PCNX1: variants seen among roughly 807,000 people sequenced by gnomAD.
The protein encoded by PCNX1 is pecanex 1.
PCNX1 carries 78 observed loss-of-function variants against 242.2 expected under a neutral mutation model. The observed-to-expected ratio is 0.32, with a 90% confidence interval of 0.27 to 0.39. PCNX1 has a LOEUF of 0.39. Ranked by LOEUF, PCNX1 falls within the 10% of genes least tolerant of loss-of-function variation. The pLI, the probability that PCNX1 is intolerant of heterozygous loss-of-function variation, is 1.00. For synonymous variants in PCNX1, 1,024 were observed against 1,032.9 expected (o/e 0.99, Z 0.17); for missense variants, 2,581 against 2,856.5 (o/e 0.90, Z 2.20).
intron 1 of PCNX1, among the ~76,000 whole-genome samples, chr14:70,931,860 A>T (rs1239672913): frequency 6.6e-6 from 1 of 152,240 alleles, no homozygotes; most frequent in Non-Finnish European, 1.5e-5. Flanking sequence ...ACGGTGGCTC[A>T]CGCCTGTAAT....
chr14:70,947,025 A>C lies in PCNX1; in HGVS notation c.264A>C (p.Gly88=). Residue 88 remains glycine (G), a synonymous_variant, in exon 2 of 36, where the codon GGA becomes GGC. Coordinates refer to ENST00000304743, the MANE Select transcript of PCNX1 (RefSeq NM_014982.3). ...NYRLHRALDA[G]EVVDRTANEF... ...GACTACACAGAGCACTTGATGCTGG[A>C]GAAGTTGTAGATAGGACTGCAAATG... 1 of 1,613,898 alleles carries C rather than the reference A, an allele frequency of 6.2e-7. No homozygotes were observed. Among genetic ancestry groups the C allele is most frequent in the Non-Finnish European group, 8.5e-7 (1 of 1,179,882 alleles).
intron 28 of PCNX1, chr14:71,085,556 G>A (rs1448183090): frequency 1.3e-5 from 2 of 153,364 alleles, no homozygotes; most frequent in Non-Finnish European, 2.9e-5. Flanking sequence ...AGCTGTAACA[G>A]CTTTTCCAGT....
chr14:70,970,456 G>T lies in PCNX1; in HGVS notation c.604+1346G>T, dbSNP rs1042541897. 3.3e-5 allele frequency among the ~76,000 whole-genome samples: 5 copies of T among 152,260 alleles called. 1 individual carries two copies. The highest frequency in any genetic ancestry group is 6.8e-3 in the Middle Eastern group (2 of 294). ...TTCTGTAATATGAGACCATTACAGT[G>T]TCTCAACAACTAGATAATAATCTCA... On this transcript the variant is annotated intron_variant, in intron 5 of 35. Coordinates refer to ENST00000304743, the MANE Select transcript of PCNX1 (RefSeq NM_014982.3).
intron 1 of PCNX1, among the ~76,000 whole-genome samples, chr14:70,913,407 T>A (rs1168575607): frequency 6.6e-6 from 1 of 152,148 alleles, no homozygotes; most frequent in Admixed American, 6.5e-5. Flanking sequence ...AAAAATCAAA[T>A]ACAAAATGAC....
intron 16 of PCNX1, among the ~76,000 whole-genome samples, chr14:71,029,183 G>C (rs1006826264): frequency 6.6e-6 from 1 of 151,904 alleles, no homozygotes; most frequent in South Asian, 2.1e-4. Context: ...TGCAATTTAA[G>C]ATACATGCTA....
At chr14:71,088,753 A>G (rs1042815890) in intron 29 of PCNX1, among the ~76,000 whole-genome samples, 11 of 152,146 alleles carry the variant, frequency 7.2e-5, no homozygotes, top group African/African-American at 2.7e-4. Context: ...TTCATTTTCC[A>G]TATTTCCTTG....
chr14:71,062,034 A>G (rs954268982), intron 26 of PCNX1, among the ~76,000 whole-genome samples: 2 of 152,216 alleles, frequency 1.3e-5, no homozygotes, highest in Admixed American at 6.5e-5. Context: ...AACATGGACC[A>G]TAACACCAAA....
chr14:70,912,341 G>A (rs200530682), intron 1 of PCNX1, among the ~76,000 whole-genome samples: 2 of 152,140 alleles, frequency 1.3e-5, no homozygotes, highest in South Asian at 4.1e-4. Context: ...TTAATGATGT[G>A]CAAGCCCTTT....
chr14:70,961,748 G>A (rs1035799510), intron 2 of PCNX1, among the ~76,000 whole-genome samples: 1 of 152,268 alleles, frequency 6.6e-6, no homozygotes, highest in African/African-American at 2.4e-5. Flanking sequence ...TGACCAGGGC[G>A]ACTGTTCTCT....
chr14:71,051,550 G>A (rs1044178173), intron 23 of PCNX1, among the ~76,000 whole-genome samples: 6 of 152,110 alleles, frequency 3.9e-5, no homozygotes, highest in Admixed American at 2.6e-4. Flanking sequence ...TGGAAAGACA[G>A]ACTTATGGTA....
intron 8 of PCNX1, among the ~76,000 whole-genome samples, chr14:71,000,131 AAT>A (rs1178600575): frequency 6.6e-6 from 1 of 152,168 alleles, no homozygotes; most frequent in Non-Finnish European, 1.5e-5. Flanking sequence ...AGTATATATA[AAT>A]GAAAGTAAAA....
intron 5 of PCNX1, among the ~76,000 whole-genome samples, chr14:70,974,376 A>T (rs2058633018): frequency 2.0e-5 from 3 of 151,324 alleles, no homozygotes; most frequent in African/African-American, 7.3e-5. Flanking sequence ...CTCGTGATCC[A>T]CCTGCCTCGG....
intron 12 of PCNX1, among the ~76,000 whole-genome samples, chr14:71,021,054 A>G (rs1223249213): frequency 2.0e-5 from 3 of 152,164 alleles, no homozygotes; most frequent in Non-Finnish European, 4.4e-5. Flanking sequence ...CAGGTTTGTC[A>G]AAGATCAGGT....
chr14:70,990,637 A>C (rs1470407163), intron 7 of PCNX1, among the ~76,000 whole-genome samples: 1 of 152,156 alleles, frequency 6.6e-6, no homozygotes, highest in East Asian at 1.9e-4. Flanking sequence ...AAATTCTATA[A>C]AAAGTAATAT....
At chr14:70,985,211 G>T (rs1274994054) in intron 6 of PCNX1, among the ~76,000 whole-genome samples, 1 of 152,074 alleles carries the variant, frequency 6.6e-6, no homozygotes, top group Non-Finnish European at 1.5e-5. Flanking sequence ...TATTTATTTT[G>T]TTTTTAATTT....
In PCNX1 at chr14:71,050,684, G is replaced by A. The variant is rs1411641512; in HGVS notation, c.4371G>A (p.Val1457=). ...LWELLYKLQF[V]YTYIAPWQIT... is the part of the protein sequence containing the mutation. ...AACTACTTTATAAATTGCAGTTTGT[G>A]TATACCTATATTGCCCCATGGCAGA... is the stretch of plus-strand genomic sequence containing the variant. Residue 1457 remains valine, a synonymous_variant, in exon 23 of 36, where the codon GTG becomes GTA. Transcript: ENST00000304743. The A allele has an allele frequency of 1.6e-5, 26 of 1,610,596 alleles. No individual in the cohort carries two copies. In the Admixed American group the frequency reaches 4.0e-4, roughly 25 times the overall value.
chr14:70,940,995 C>G (rs547306518), intron 1 of PCNX1, among the ~76,000 whole-genome samples: 1 of 152,258 alleles, frequency 6.6e-6, no homozygotes, highest in South Asian at 2.1e-4. Context: ...AAGGTCTTCT[C>G]TACATTGTTT....
chr14:70,962,461 TAAC>T (rs2058250562), intron 3 of PCNX1, 130 bp downstream of exon 3: 1 of 573,170 alleles, frequency 1.7e-6, no homozygotes, highest in Non-Finnish European at 3.1e-6. Flanking sequence ...TGCTTATTAA[TAAC>T]ATCTTTTATT....
At chr14:71,055,684 C>A in intron 25 of PCNX1, 122 bp downstream of exon 25, 1 of 572,262 alleles carries the variant, frequency 1.7e-6, no homozygotes, top group Non-Finnish European at 3.1e-6. Context: ...CTTTTAAAAA[C>A]TAAATATTAT....
Sources: gnomAD v4.1 joint callset for allele counts (sites outside exome capture counted in the v4.1 genomes callset) on GRCh38, gnomAD v4.1.1 for gene constraint, MANE v1.5 for transcripts, NCBI Gene and HGNC (gene_info 2026-07-23, HGNC 2026-07-21) for gene names.